Variants in EXPH5 observed in about 807,000 individuals in gnomAD.
EXPH5 encodes the protein exophilin 5, also known as exophilin-5.
A neutral mutation model predicts 41.1 loss-of-function variants in EXPH5; 42 were observed. The ratio of observed to expected loss-of-function variants is 1.02; its 90% CI spans 0.80 to 1.32. The LOEUF is 1.32. EXPH5 is among the 40% of genes most tolerant of loss of function. The pLI, the probability that EXPH5 is intolerant of heterozygous loss-of-function variation, is 0.00. For missense variants in EXPH5, 2,298 were observed against 2,314.5 expected, an observed-to-expected ratio of 0.99 and a Z score of 0.15; for synonymous variants, 798 against 833.5, an observed-to-expected ratio of 0.96 and a Z score of 0.73.
chr11:108,539,938 G>A (rs755304708), intron 2 of EXPH5, among the ~76,000 whole-genome samples: 2 of 152,044 alleles, frequency 1.3e-5, no homozygotes, highest in Admixed American at 6.6e-5. Flanking sequence ...GTCAGATAAC[G>A]GATATTCAAC....
rs116881979 is a variant in EXPH5, at chr11:108,518,962, C to T, written c.493-589G>A. On this transcript the variant is annotated intron_variant, in intron 4 of 5. Coordinates refer to ENST00000265843, the MANE Select transcript of EXPH5 (RefSeq NM_015065.3). ...ACATCAGGAAGTTACTCTATATGGG[C>T]TAAAAAGGGGAGGCATGAATAACCC... Among the ~76,000 whole-genome samples, 802 of 152,254 alleles carry T rather than the reference C, an allele frequency of 5.3e-3. 2 individuals are homozygous for T. The highest frequency in any genetic ancestry group is 8.7e-3 in the Non-Finnish European group (589 of 68,018).
intron 5 of EXPH5, among the ~76,000 whole-genome samples, chr11:108,516,250 A>G (rs894609253): frequency 6.6e-6 from 1 of 152,170 alleles, no homozygotes; most frequent in Non-Finnish European, 1.5e-5. Context: ...TGTCAAAGTC[A>G]GTGCCCAGGG....
chr11:108,545,607 T>TA (rs1591720671), intron 1 of EXPH5, among the ~76,000 whole-genome samples: 1 of 151,688 alleles, frequency 6.6e-6, no homozygotes, highest in East Asian at 1.9e-4. Context: ...GGGGAAACAA[T>TA]AAAAAAGTAA....
chr11:108,531,397 T>C (rs1192287962), intron 3 of EXPH5, among the ~76,000 whole-genome samples: 1 of 152,206 alleles, frequency 6.6e-6, no homozygotes, highest in East Asian at 1.9e-4. Flanking sequence ...CTGGCCAATA[T>C]GGTGAAACTC....
chr11:108,519,769 AAAAAAC>A (rs2093752511), intron 4 of EXPH5, among the ~76,000 whole-genome samples: 1 of 151,080 alleles, frequency 6.6e-6, no homozygotes, highest in African/African-American at 2.4e-5. Flanking sequence ...AAAAAAGAAA[AAAAAAC>A]CCACAAAAAA....
intron 1 of EXPH5, among the ~76,000 whole-genome samples, chr11:108,559,713 T>A (rs1445343507): frequency 6.6e-6 from 1 of 152,152 alleles, no homozygotes; most frequent in East Asian, 1.9e-4. Flanking sequence ...GCAATTTAAT[T>A]CTTATTCTTG....
Position 108,510,857 on chromosome 11 carries a change from T to C in EXPH5, c.4650A>G (p.Thr1550=), listed in dbSNP as rs1383719562. The C allele has an allele frequency of 1.2e-5, 19 of 1,614,238 alleles. No individual in the cohort carries two copies. The highest frequency in any genetic ancestry group is 5.0e-5 in the Admixed American group (3 of 60,022). ...TTTCATCTTCAGCCTTCCTGCTCTC[T>C]GTCATATTTGCCTCCTGACTTCTTT... ...LPQRSQEANM[T]ESRKAEDEMQ... Residue 1550 remains threonine (T), a synonymous_variant, in exon 6 of 6, where the codon ACA becomes ACG. Transcript: ENST00000265843.
At chr11:108,532,717 C>T (rs2093851650) in intron 3 of EXPH5, among the ~76,000 whole-genome samples, 1 of 152,098 alleles carries the variant, frequency 6.6e-6, no homozygotes, top group Admixed American at 6.5e-5. Context: ...CGATGAAAGC[C>T]CAGCCTGCCA....
intron 1 of EXPH5, among the ~76,000 whole-genome samples, chr11:108,558,332 C>T (rs1005057256): frequency 2.0e-5 from 3 of 152,220 alleles, no homozygotes; most frequent in Non-Finnish European, 4.4e-5. Flanking sequence ...TCAAGCTATC[C>T]TCTGCCTTAG....
At chr11:108,583,238 C>T (rs1315850505) in intron 1 of EXPH5, among the ~76,000 whole-genome samples, 4 of 151,632 alleles carry the variant, frequency 2.6e-5, no homozygotes, top group South Asian at 2.1e-4. Context: ...AAAAATTAGC[C>T]GGGCGTGGTG....
At chr11:108,551,066 T>C (rs1468300208) in intron 1 of EXPH5, among the ~76,000 whole-genome samples, 1 of 152,174 alleles carries the variant, frequency 6.6e-6, no homozygotes, top group South Asian at 2.1e-4. Context: ...GCTCTTGCCA[T>C]CTGCCGGATT....
intron 1 of EXPH5, among the ~76,000 whole-genome samples, chr11:108,559,436 G>C (rs897774734): frequency 2.0e-5 from 3 of 152,158 alleles, no homozygotes; most frequent in Non-Finnish European, 1.5e-5. Context: ...TGCAAGTCTG[G>C]TATACTAGCA....
intron 4 of EXPH5, among the ~76,000 whole-genome samples, chr11:108,525,190 C>T (rs942874800): frequency 6.6e-6 from 1 of 152,142 alleles, no homozygotes; most frequent in Non-Finnish European, 1.5e-5. Context: ...TCCATTAAGC[C>T]CCTTTTTCTT....
chr11:108,575,837 G>T (rs2094077859), intron 1 of EXPH5, among the ~76,000 whole-genome samples: 1 of 152,142 alleles, frequency 6.6e-6, no homozygotes, highest in South Asian at 2.1e-4. Context: ...AGCCGGGTGT[G>T]GTGGCACATG....
At chr11:108,520,712 G>T (rs746145294) in intron 4 of EXPH5, among the ~76,000 whole-genome samples, 3 of 151,286 alleles carry the variant, frequency 2.0e-5, no homozygotes, top group Non-Finnish European at 4.4e-5. Context: ...GATTACAGGC[G>T]CACGCCACCA....
chr11:108,604,280 C>A, the EXPH5 span, among the ~76,000 whole-genome samples: 3 of 151,158 alleles, frequency 2.0e-5, no homozygotes, highest in African/African-American at 7.3e-5. Context: ...CCTGTAGTCC[C>A]AGCTACTTAG....
chr11:108,584,512 C>T (rs2086592), intron 1 of EXPH5, among the ~76,000 whole-genome samples: 64,445 of 151,268 alleles, frequency 0.43, 13,946 homozygotes, highest in Middle Eastern at 0.57. Context: ...TACTACTTGA[C>T]GTTAAGACCT....
chr11:108,573,971 G>A (rs1395243402), intron 1 of EXPH5, among the ~76,000 whole-genome samples: 3 of 151,884 alleles, frequency 2.0e-5, no homozygotes, highest in East Asian at 1.9e-4. Context: ...GCACGATCTC[G>A]GCTCACTGCA....
At chr11:108,522,504 G>A (rs1351694967) in intron 4 of EXPH5, among the ~76,000 whole-genome samples, 1 of 152,132 alleles carries the variant, frequency 6.6e-6, no homozygotes, top group African/African-American at 2.4e-5. Context: ...GGAGGGAGGA[G>A]TTTCATTTCC....
Sources: allele counts gnomAD v4.1 joint callset (sites outside exome capture counted in the v4.1 genomes callset), GRCh38; gene constraint gnomAD v4.1.1; transcripts MANE v1.5; gene names NCBI Gene and HGNC (gene_info 2026-07-23, HGNC 2026-07-21).